ELK3: variants seen among roughly 807,000 people sequenced by gnomAD.
ELK3 encodes ETS domain-containing protein Elk-3.
In ELK3, 10 loss-of-function variants were observed where a neutral mutation model predicts 28.9. That is an observed-to-expected ratio of 0.35 (90% CI 0.21 to 0.59). The LOEUF (loss-of-function observed/expected upper bound fraction) is 0.59. Among genes scored for constraint, ELK3 ranks in the 20% least tolerant of loss-of-function variants. The probability of loss-of-function intolerance (pLI) is 0.82; values close to 1 mark genes in which losing one functional copy is unlikely to be tolerated. For synonymous variants in ELK3, 272 were observed against 243.5 expected (o/e 1.12, Z -1.09); for missense variants, 463 against 517.3 (o/e 0.90, Z 1.02).
At chr12:96,229,588 A>G (rs1440663549) in intron 2 of ELK3, among the ~76,000 whole-genome samples, 1 of 129,524 alleles carries the variant, frequency 7.7e-6, no homozygotes, top group African/African-American at 3.0e-5. Context: ...CTGGAGTGCA[A>G]TGGCATGGTC....
intron 4 of ELK3, among the ~76,000 whole-genome samples, chr12:96,262,216 G>A (rs574889522): frequency 6.6e-6 from 1 of 151,870 alleles, no homozygotes; most frequent in Non-Finnish European, 1.5e-5. Context: ...ATGGAGTTTT[G>A]CCATGTTGGC....
intron 3 of ELK3, among the ~76,000 whole-genome samples, chr12:96,258,967 C>CT (rs1418711480): frequency 1.3e-5 from 2 of 152,308 alleles, no homozygotes; most frequent in East Asian, 3.9e-4. Context: ...ATCCCAAAGC[C>CT]TTAACAGCTG....
intron 2 of ELK3, among the ~76,000 whole-genome samples, chr12:96,230,193 C>T (rs753879393): frequency 5.9e-5 from 9 of 152,272 alleles, no homozygotes; most frequent in South Asian, 4.1e-4. Context: ...AGTACAGTAA[C>T]GTGCTGTACA....
At chr12:96,215,060 T>G (rs1951601935) in intron 1 of ELK3, among the ~76,000 whole-genome samples, 1 of 152,100 alleles carries the variant, frequency 6.6e-6, no homozygotes, top group African/African-American at 2.4e-5. Flanking sequence ...CTATTTTGTT[T>G]ATTCCTTACC....
chr12:96,259,460 C>T (rs139081999), intron 3 of ELK3, among the ~76,000 whole-genome samples: 174 of 152,248 alleles, frequency 1.1e-3, no homozygotes, highest in East Asian at 6.6e-3. Context: ...GCAGGAGAAT[C>T]GCTTAAACCC....
intron 2 of ELK3, among the ~76,000 whole-genome samples, chr12:96,242,516 A>G (rs1951828546): frequency 6.6e-6 from 1 of 152,218 alleles, no homozygotes; most frequent in Non-Finnish European, 1.5e-5. Context: ...TTGGAAGGAA[A>G]CTTCCCTCTG....
chr12:96,222,959 C>CAA (rs1951672954), intron 1 of ELK3: 1 of 154,252 alleles, frequency 6.5e-6, no homozygotes, highest in Admixed American at 6.3e-5. Context: ...AGCAAGAAAG[C>CAA]GAGGGTCAAG....
chr12:96,227,834 T>C (rs1951714717), intron 2 of ELK3, among the ~76,000 whole-genome samples: 1 of 152,068 alleles, frequency 6.6e-6, no homozygotes, highest in African/African-American at 2.4e-5. Context: ...TCCTTTTCTG[T>C]AAAGTGGGTA....
intron 1 of ELK3, among the ~76,000 whole-genome samples, chr12:96,206,169 A>G (rs962800258): frequency 2.0e-5 from 3 of 152,258 alleles, no homozygotes; most frequent in Middle Eastern, 6.8e-3. Context: ...TTTTAAACCT[A>G]AATATTAAAG....
At chr12:96,203,224 G>A (rs1951517791) in intron 1 of ELK3, among the ~76,000 whole-genome samples, 1 of 152,178 alleles carries the variant, frequency 6.6e-6, no homozygotes, top group Admixed American at 6.5e-5. Context: ...AATAGGGCTG[G>A]TGCCCCTCAT....
At chr12:96,254,978 T>G (rs547975089) in intron 3 of ELK3, among the ~76,000 whole-genome samples, 1 of 152,174 alleles carries the variant, frequency 6.6e-6, no homozygotes, top group East Asian at 1.9e-4. Flanking sequence ...TGAAGGGGTA[T>G]GAGTGACAGT....
intron 1 of ELK3, among the ~76,000 whole-genome samples, chr12:96,222,099 A>G (rs1951666142): frequency 6.6e-6 from 1 of 152,150 alleles, no homozygotes; most frequent in African/African-American, 2.4e-5. Context: ...ATCCGTGGCA[A>G]AGCTTTTGAG....
chr12:96,226,936 C>T (rs1230441621), intron 2 of ELK3, among the ~76,000 whole-genome samples: 1 of 152,210 alleles, frequency 6.6e-6, no homozygotes, highest in East Asian at 1.9e-4. Context: ...AAACTACACT[C>T]TATTTGACAT....
intron 2 of ELK3, among the ~76,000 whole-genome samples, chr12:96,224,157 T>C (rs992567641): frequency 6.6e-6 from 1 of 152,252 alleles, no homozygotes; most frequent in Non-Finnish European, 1.5e-5. Flanking sequence ...AAGGGACCTT[T>C]CCTGGAAGGT....
At chr12:96,196,112 C>T (rs905811792) in intron 1 of ELK3, among the ~76,000 whole-genome samples, 1 of 152,210 alleles carries the variant, frequency 6.6e-6, no homozygotes, top group African/African-American at 2.4e-5. Context: ...TAAGTAATGT[C>T]TGCACACACA....
At chr12:96,231,500 CT>C (rs978208060) in intron 2 of ELK3, among the ~76,000 whole-genome samples, 5 of 151,854 alleles carry the variant, frequency 3.3e-5, no homozygotes, top group Admixed American at 2.6e-4. Context: ...TTGAATAAGG[CT>C]TTTTTTTGGA....
chr12:96,215,106 CT>C (rs879830355), intron 1 of ELK3, among the ~76,000 whole-genome samples: 2,569 of 142,592 alleles, frequency 0.018, 16 homozygotes, highest in Non-Finnish European at 0.022. Context: ...CTCTCATTGC[CT>C]TTTTTTTTTT....
At position 96,223,579 on chromosome 12, in the gene ELK3, A is replaced by G. The variant is rs370644588; in HGVS notation, c.13A>G (p.Ile5Val). 3.0e-5 allele frequency: 49 copies of G among 1,613,968 alleles called. No homozygotes were observed. The highest frequency in any genetic ancestry group is 3.3e-4 in the Middle Eastern group (2 of 6,082). MESA[I>V]TLWQFLLQLL... ...TCTCCCTGCAGGTATGGAGAGTGCA[A>G]TCACGCTGTGGCAGTTCCTGTTGCA... Residue 5 changes from isoleucine to valine, a missense_variant, in exon 2 of 5, where the codon ATC becomes GTC. Ile to Val is a conservative substitution (Grantham distance 29, BLOSUM62 3). Coordinates refer to ENST00000228741, the MANE Select transcript of ELK3 (RefSeq NM_005230.4).
intron 3 of ELK3, among the ~76,000 whole-genome samples, chr12:96,248,646 G>A (rs1951877756): frequency 6.6e-6 from 1 of 152,140 alleles, no homozygotes; most frequent in Non-Finnish European, 1.5e-5. Context: ...TTGTGAGCTG[G>A]GGACACCTGG....
Sources: gnomAD v4.1 joint callset for allele counts (sites outside exome capture counted in the v4.1 genomes callset) on GRCh38, gnomAD v4.1.1 for gene constraint, MANE v1.5 for transcripts, NCBI Gene and HGNC (gene_info 2026-07-23, HGNC 2026-07-21) for gene names.